The following MAGI1 variants were observed in gnomAD, a reference collection of about 807,000 sequenced individuals.
The protein encoded by MAGI1 is membrane-associated guanylate kinase, WW and PDZ domain-containing protein 1.
A neutral mutation model predicts 139.9 loss-of-function variants in MAGI1; 58 were observed. That is an observed-to-expected ratio of 0.41 (90% CI 0.34 to 0.52). MAGI1 has a LOEUF of 0.52. Among genes scored for constraint, MAGI1 ranks in the 20% least tolerant of loss-of-function variants. MAGI1 has a pLI of 0.12. For missense variants in MAGI1, 1,874 were observed against 1,901.6 expected (o/e 0.99, Z 0.27); for synonymous variants, 812 against 737.9 (o/e 1.10, Z -1.63).
chr3:66,016,528 C>A (rs1347282014), intron 1 of MAGI1, among the ~76,000 whole-genome samples: 2 of 152,314 alleles, frequency 1.3e-5, no homozygotes, highest in African/African-American at 2.4e-5. Flanking sequence ...GACGAGGACA[C>A]GTTGCTGGCA....
In MAGI1 at chr3:65,742,037, C is replaced by T. The variant is rs1177052099; in HGVS notation, c.314-119949G>A. On this transcript the variant is annotated intron_variant, in intron 1 of 22. Coordinates refer to ENST00000402939, the MANE Select transcript of MAGI1 (RefSeq NM_001033057.2). ...AATGCAGTCTACAAAATGAATACTA[C>T]GTGGCTTTCATTGCCCTTGTTCACT... Among the ~76,000 whole-genome samples, 5 of 152,150 alleles carry T rather than the reference C, an allele frequency of 3.3e-5. No individual in the cohort carries two copies. In the East Asian group the frequency reaches 5.8e-4, roughly 18 times the overall value.
chr3:65,504,168 C>T (rs1199703797), intron 2 of MAGI1, among the ~76,000 whole-genome samples: 2 of 152,188 alleles, frequency 1.3e-5, no homozygotes, highest in East Asian at 3.9e-4. Context: ...TACCTTGGAA[C>T]ATTCCCTTTT....
At chr3:65,549,696 G>A (rs1261303321) in intron 2 of MAGI1, among the ~76,000 whole-genome samples, 1 of 152,108 alleles carries the variant, frequency 6.6e-6, no homozygotes, top group Non-Finnish European at 1.5e-5. Context: ...CTTGGACGGG[G>A]GTAGGGGTGG....
At chr3:65,911,639 C>A (rs2061674173) in intron 1 of MAGI1, among the ~76,000 whole-genome samples, 1 of 152,070 alleles carries the variant, frequency 6.6e-6, no homozygotes, top group African/African-American at 2.4e-5. Flanking sequence ...TATTTTTAAG[C>A]CCTTCAAAGC....
chr3:65,427,801 T>C (rs983117320), intron 12 of MAGI1, among the ~76,000 whole-genome samples: 1 of 152,134 alleles, frequency 6.6e-6, no homozygotes, highest in Admixed American at 6.6e-5. Context: ...GCTTTGTGTA[T>C]CACTGATTCT....
intron 1 of MAGI1, among the ~76,000 whole-genome samples, chr3:65,931,620 T>C (rs1396056552): frequency 1.3e-5 from 2 of 152,226 alleles, no homozygotes; most frequent in African/African-American, 4.8e-5. Flanking sequence ...GCCGAGATTG[T>C]GCTACTGCAC....
intron 1 of MAGI1, chr3:65,844,476 A>T (rs1359940454): frequency 3.0e-6 from 1 of 330,342 alleles, no homozygotes; most frequent in African/African-American, 2.2e-5. Flanking sequence ...CAAGTAAAAC[A>T]ATTTTAAATG....
chr3:65,954,864 G>A (rs1229709954), intron 1 of MAGI1, among the ~76,000 whole-genome samples: 2 of 152,176 alleles, frequency 1.3e-5, no homozygotes, highest in Non-Finnish European at 2.9e-5. Context: ...TGCCAGGTAA[G>A]GGCAGCTGTT....
intron 1 of MAGI1, among the ~76,000 whole-genome samples, chr3:65,851,243 C>T (rs1289378616): frequency 6.6e-6 from 1 of 152,172 alleles, no homozygotes; most frequent in Non-Finnish European, 1.5e-5. Flanking sequence ...CTAATATCCA[C>T]ATCAGGATTG....
At chr3:65,808,776 C>T (rs78215580) in intron 1 of MAGI1, among the ~76,000 whole-genome samples, 5 of 151,300 alleles carry the variant, frequency 3.3e-5, no homozygotes, top group East Asian at 1.9e-4. Context: ...GGACTTGCAC[C>T]GCACACAGGA....
chr3:65,356,571 G>A lies in MAGI1; in HGVS notation c.4196C>T (p.Thr1399Ile), dbSNP rs567163793. 1.9e-5 allele frequency: 31 copies of A among 1,606,496 alleles called. No homozygotes were observed. The South Asian group carries it at 2.5e-4, about 13-fold the overall frequency. Residue 1399 changes from threonine (T) to isoleucine (I), a missense_variant, in exon 23 of 23, where the codon ACC becomes ATC. Around this residue, in one of 5 missense-constraint regions of MAGI1, gnomAD observed 653 missense variants for 644.5 expected, o/e 1.01. Transcript: ENST00000402939. ...GGSPERRAKS[T>I]DRRRARSPER... ...GGGGGAGCGTGCGCGCCTCCGGTCG[G>A]TGGACTTGGCCCTGCGCTCGGGCGA...
intron 1 of MAGI1, among the ~76,000 whole-genome samples, chr3:65,937,698 T>C (rs1042228398): frequency 2.6e-5 from 4 of 152,036 alleles, no homozygotes; most frequent in African/African-American, 9.7e-5. Context: ...TTGGGGTTTT[T>C]TTAGTTACAA....
chr3:65,869,180 C>T (rs1329910469), intron 1 of MAGI1, among the ~76,000 whole-genome samples: 1 of 148,314 alleles, frequency 6.7e-6, no homozygotes, highest in Non-Finnish European at 1.5e-5. Context: ...GGCGTGAACC[C>T]AGGAGGCGGA....
chr3:65,426,524 T>G (rs1947055821), intron 12 of MAGI1, among the ~76,000 whole-genome samples: 1 of 152,094 alleles, frequency 6.6e-6, no homozygotes, highest in Non-Finnish European at 1.5e-5. Flanking sequence ...ACAGTGTAGA[T>G]GAGTTTATCA....
rs1489316713 is a variant in MAGI1 at position 65,911,101 on chromosome 3, G to A, written c.313+126895C>T. The stretch of plus-strand genomic sequence containing the variant: ...TCGAACTCCTGACCTCAGGCGATCC[G>A]CCTGCCTCGGCCTCCCAAAGTGATA... On this transcript the variant is annotated intron_variant, in intron 1 of 22. Transcript: ENST00000402939. Among the ~76,000 whole-genome samples the A allele has an allele frequency of 3.3e-5, 5 of 151,322 alleles. No individual in the cohort carries two copies. In the East Asian group the frequency reaches 5.9e-4, roughly 18 times the overall value.
At chr3:66,007,928 A>C (rs1576442694) in intron 1 of MAGI1, among the ~76,000 whole-genome samples, 3 of 126,924 alleles carry the variant, frequency 2.4e-5, no homozygotes, top group Non-Finnish European at 4.7e-5. Flanking sequence ...ATAGAGTCTC[A>C]CTCTGTCACC....
intron 1 of MAGI1, among the ~76,000 whole-genome samples, chr3:65,831,472 T>C (rs1009942629): frequency 3.3e-5 from 5 of 152,208 alleles, no homozygotes; most frequent in African/African-American, 4.8e-5. Flanking sequence ...AAGCATCTTA[T>C]TGTATAACCA....
chr3:65,969,666 G>A (rs1042648732), intron 1 of MAGI1, among the ~76,000 whole-genome samples: 19 of 152,132 alleles, frequency 1.2e-4, no homozygotes, highest in African/African-American at 4.6e-4. Flanking sequence ...CTGCTATAGG[G>A]CTTTCCCTAA....
At chr3:65,841,944 T>A (rs576463298) in intron 1 of MAGI1, among the ~76,000 whole-genome samples, 2 of 152,210 alleles carry the variant, frequency 1.3e-5, no homozygotes, top group African/African-American at 4.8e-5. Context: ...AAAAACAGGA[T>A]CCTTATCTAT....
Sources: gnomAD v4.1 joint callset for allele counts (sites outside exome capture counted in the v4.1 genomes callset) on GRCh38, gnomAD v4.1.1 for gene constraint, gnomAD v4.1.1 regional missense constraint, MANE v1.5 for transcripts, NCBI Gene and HGNC (gene_info 2026-07-23, HGNC 2026-07-21) for gene names.